The following GALNT13 variants were observed in gnomAD, a reference collection of about 807,000 sequenced individuals.
GALNT13 encodes UDP-GalNAc:polypeptide N-acetylgalactosaminyltransferase 13.
GALNT13 carries 28 observed loss-of-function variants against 64.2 expected under a neutral mutation model. The observed-to-expected ratio is 0.44, with a 90% CI of 0.32 to 0.60. The LOEUF is 0.60. GALNT13 is among the 20% of genes least tolerant of loss of function. GALNT13 has a pLI of 0.05. For synonymous variants in GALNT13, 214 were observed against 224.6 expected, an observed-to-expected ratio of 0.95 and a Z score of 0.42; for missense variants, 577 against 669.8, an observed-to-expected ratio of 0.86 and a Z score of 1.53.
At position 154,132,255 on chromosome 2, in the gene GALNT13, A is replaced by C. The variant is rs1392434781; in HGVS notation, c.143-8082A>C. ...ATGTACTGATTTAGAAAATATAGAT[A>C]ATGCAAATGAAAGATGTAAAAGGCC... On this transcript the variant is annotated intron_variant, in intron 3 of 12. Coordinates refer to ENST00000392825, the MANE Select transcript of GALNT13 (RefSeq NM_052917.4). 3.3e-5 allele frequency among the ~76,000 whole-genome samples: 5 copies of C among 152,336 alleles called. No individual in the cohort carries two copies. In the East Asian group the frequency reaches 9.6e-4, roughly 29 times the overall value.
intron 4 of GALNT13, among the ~76,000 whole-genome samples, chr2:154,191,297 A>G (rs1271787005): frequency 6.6e-6 from 1 of 152,202 alleles, no homozygotes; most frequent in African/African-American, 2.4e-5. Flanking sequence ...TTTTTGGCTC[A>G]CTGACTTCTC....
chr2:153,201,984 T>TC, the GALNT13 span, among the ~76,000 whole-genome samples: 1 of 147,532 alleles, frequency 6.8e-6, no homozygotes, highest in East Asian at 2.0e-4. Context: ...TTTTTTTTTT[T>TC]TTTTTTTTTT....
the GALNT13 span, among the ~76,000 whole-genome samples, chr2:153,201,982 T>C: frequency 6.8e-6 from 1 of 146,810 alleles, no homozygotes. Flanking sequence ...TCTTTTTTTT[T>C]TTTTTTTTTT....
chr2:153,987,067 G>A (rs1245538354), intron 3 of GALNT13, among the ~76,000 whole-genome samples: 2 of 151,862 alleles, frequency 1.3e-5, no homozygotes, highest in Non-Finnish European at 2.9e-5. Context: ...TTTGAACTTA[G>A]GAGCAAGGGA....
chr2:153,101,654 AG>A, the GALNT13 span, among the ~76,000 whole-genome samples: 2 of 152,254 alleles, frequency 1.3e-5, no homozygotes, highest in African/African-American at 4.8e-5. Flanking sequence ...CATCATAAAA[AG>A]TTCTTCAAAA....
At chr2:153,571,844 T>C in the GALNT13 span, among the ~76,000 whole-genome samples, 1 of 152,024 alleles carries the variant, frequency 6.6e-6, no homozygotes, top group Non-Finnish European at 1.5e-5. Flanking sequence ...TTGTATTTGG[T>C]TTGCTAGTAT....
the GALNT13 span, among the ~76,000 whole-genome samples, chr2:153,787,780 C>T: frequency 3.3e-5 from 5 of 152,142 alleles, no homozygotes; most frequent in Admixed American, 2.6e-4. Context: ...AAACATACTA[C>T]AAGAATTTTG....
the GALNT13 span, among the ~76,000 whole-genome samples, chr2:153,163,323 CA>C: frequency 1.3e-5 from 2 of 152,050 alleles, no homozygotes; most frequent in Non-Finnish European, 2.9e-5. Flanking sequence ...TTTGAGAATT[CA>C]GGGTTTTTTT....
At chr2:154,340,840 A>G (rs1445557156) in intron 9 of GALNT13, among the ~76,000 whole-genome samples, 2 of 152,104 alleles carry the variant, frequency 1.3e-5, no homozygotes, top group Non-Finnish European at 2.9e-5. Context: ...ATAAGATTTT[A>G]TCCTTCCAAT....
intron 12 of GALNT13, among the ~76,000 whole-genome samples, chr2:154,448,080 T>G (rs556307173): frequency 1.1e-4 from 16 of 152,060 alleles, no homozygotes; most frequent in African/African-American, 3.6e-4. Context: ...AAAACCATCC[T>G]GGCTTATTAG....
chr2:153,116,794 CTTTTTTT>C, the GALNT13 span, among the ~76,000 whole-genome samples: 2 of 82,466 alleles, frequency 2.4e-5, no homozygotes, highest in African/African-American at 8.7e-5. Context: ...GTGTTGTCTT[CTTTTTTT>C]TTTTTTTTTT....
intron 8 of GALNT13, among the ~76,000 whole-genome samples, chr2:154,260,234 C>T (rs1013245788): frequency 6.6e-6 from 1 of 151,992 alleles, no homozygotes; most frequent in African/African-American, 2.4e-5. Flanking sequence ...AATATTTGTA[C>T]AATAAAATTA....
intron 10 of GALNT13, among the ~76,000 whole-genome samples, chr2:154,400,685 T>A (rs1350874993): frequency 2.0e-5 from 3 of 152,182 alleles, no homozygotes; most frequent in Non-Finnish European, 4.4e-5. Flanking sequence ...GCTGTGCAAT[T>A]GCTTTGAACT....
intron 7 of GALNT13, chr2:154,257,605 C>G (rs989421895): frequency 1.3e-5 from 2 of 152,004 alleles, no homozygotes; most frequent in African/African-American, 4.8e-5. Flanking sequence ...CCCAGCAAGG[C>G]GAAAAGTAAT....
At chr2:153,630,131 A>T in the GALNT13 span, among the ~76,000 whole-genome samples, 1 of 151,362 alleles carries the variant, frequency 6.6e-6, no homozygotes, top group Non-Finnish European at 1.5e-5. Context: ...CATTTGACCC[A>T]GCCATCCCAT....
At chr2:154,172,726 T>C (rs1366285852) in intron 4 of GALNT13, among the ~76,000 whole-genome samples, 1 of 151,824 alleles carries the variant, frequency 6.6e-6, no homozygotes, top group Non-Finnish European at 1.5e-5. Flanking sequence ...GCACTTACAT[T>C]GATTCCATAT....
At chr2:154,116,053 T>C (rs1460853397) in intron 3 of GALNT13, among the ~76,000 whole-genome samples, 1 of 152,266 alleles carries the variant, frequency 6.6e-6, no homozygotes, top group Middle Eastern at 3.4e-3. Flanking sequence ...TTATCTTGCC[T>C]GGCAACTGCC....
At chr2:153,211,054 A>G in the GALNT13 span, among the ~76,000 whole-genome samples, 2 of 152,170 alleles carry the variant, frequency 1.3e-5, no homozygotes, top group African/African-American at 4.8e-5. Context: ...AATTTACTAC[A>G]AAATTATTTT....
intron 3 of GALNT13, among the ~76,000 whole-genome samples, chr2:153,954,010 A>G (rs1369355462): frequency 6.6e-6 from 1 of 152,112 alleles, no homozygotes; most frequent in African/African-American, 2.4e-5. Flanking sequence ...CTGTTGTGTC[A>G]GCCTTTTCTA....
Sources: allele counts gnomAD v4.1 joint callset (sites outside exome capture counted in the v4.1 genomes callset), GRCh38; gene constraint gnomAD v4.1.1; transcripts MANE v1.5; gene names NCBI Gene and HGNC (gene_info 2026-07-23, HGNC 2026-07-21).